GOLT1B: variants seen among roughly 807,000 people sequenced by gnomAD.
GOLT1B encodes the protein golgi transport 1B.
In GOLT1B, 3 loss-of-function variants were observed where a neutral mutation model predicts 15.4. The observed-to-expected ratio is 0.19, with a 90% CI of 0.09 to 0.50. The LOEUF is 0.50. Ranked by LOEUF, GOLT1B falls within the 20% of genes least tolerant of loss-of-function variation. The pLI is 0.97. For missense variants in GOLT1B, 145 were observed against 160.4 expected (o/e 0.90, Z 0.52); for synonymous variants, 65 against 56.2 (o/e 1.16, Z -0.70).
intron 1 of GOLT1B, among the ~76,000 whole-genome samples, chr12:21,503,689 C>T (rs1388365091): frequency 6.6e-6 from 1 of 152,152 alleles, no homozygotes; most frequent in Non-Finnish European, 1.5e-5. Context: ...GAACCAAATG[C>T]ATTTTGGATT....
At chr12:21,509,455 A>G (rs1182235775) in intron 3 of GOLT1B, among the ~76,000 whole-genome samples, 1 of 149,030 alleles carries the variant, frequency 6.7e-6, no homozygotes, top group African/African-American at 2.4e-5. Context: ...AGTAGGGTTG[A>G]GCTTAATTAT....
At chr12:21,507,475 A>G (rs1943687133) in intron 2 of GOLT1B, among the ~76,000 whole-genome samples, 1 of 151,912 alleles carries the variant, frequency 6.6e-6, no homozygotes, top group African/African-American at 2.4e-5. Flanking sequence ...TATGATCCAG[A>G]AATAAATAAT....
chr12:21,502,338 C>T (rs1943638060), intron 1 of GOLT1B, among the ~76,000 whole-genome samples: 1 of 152,230 alleles, frequency 6.6e-6, no homozygotes, highest in Admixed American at 6.5e-5. Context: ...ATGCGCATGA[C>T]ACACTTCGGG....
Position 21,515,685 on chromosome 12 carries a change from G to C in GOLT1B, c.395G>C (p.Gly132Ala), listed in dbSNP as rs1414162656. Residue 132 changes from glycine (G) to alanine (A), a missense_variant, in exon 5 of 5, where the codon GGA (glycine) becomes GCA (alanine). By Grantham distance (60) the Gly-to-Ala change is moderately conservative. Transcript: ENST00000229314. Reference protein sequence around the residue: ...PGIRSFVDKVGESNNMV With the variant: ...PGIRSFVDKVAESNNMV Reference sequence around the variant, plus strand: ...TCCTTACAGTTTGTAGATAAAGTTGGAGAAAGCAACAATATGGTATAACAA... The same window carrying C: ...TCCTTACAGTTTGTAGATAAAGTTGCAGAAAGCAACAATATGGTATAACAA... 7.2e-6 allele frequency: 10 copies of C among 1,383,832 alleles called. No homozygotes were observed. Among genetic ancestry groups the C allele is most frequent in the Non-Finnish European group, 4.1e-6 (4 of 981,488 alleles). The allele number at this position is 1,383,832 out of a possible 1,614,324, so 85.7% of individuals were successfully genotyped here.
chr12:21,508,919 A>AGATACATC, intron 3 of GOLT1B, among the ~76,000 whole-genome samples: 1 of 151,390 alleles, frequency 6.6e-6, no homozygotes, highest in South Asian at 2.1e-4. Context: ...ATAGATAGAT[A>AGATACATC]GATCCAGCAT....
chr12:21,503,259 A>G (rs974162594), intron 1 of GOLT1B, among the ~76,000 whole-genome samples: 5 of 152,230 alleles, frequency 3.3e-5, no homozygotes, highest in African/African-American at 7.2e-5. Flanking sequence ...ATTATGCATA[A>G]TTCTTATAAG....
chr12:21,513,070 CAAAAA>C (rs58392364), intron 4 of GOLT1B, among the ~76,000 whole-genome samples: 176 of 110,380 alleles, frequency 1.6e-3, no homozygotes, highest in Admixed American at 2.9e-3. Flanking sequence ...GACCCTGTCT[CAAAAA>C]AAAAAAAAAA....
intron 2 of GOLT1B, chr12:21,508,108 T>C: frequency 2.4e-6 from 1 of 409,842 alleles, no homozygotes; most frequent in Non-Finnish European, 4.5e-6. Flanking sequence ...AGATGCCCCT[T>C]GGTAACGTCT....
At chr12:21,512,974 G>A (rs1410483871) in intron 4 of GOLT1B, among the ~76,000 whole-genome samples, 1 of 151,732 alleles carries the variant, frequency 6.6e-6, no homozygotes, top group African/African-American at 2.4e-5. Flanking sequence ...ACTGAGGTGA[G>A]AGGATTGGCT....
intron 3 of GOLT1B, among the ~76,000 whole-genome samples, chr12:21,509,272 G>A (rs1428942662): frequency 1.3e-5 from 2 of 151,610 alleles, no homozygotes; most frequent in African/African-American, 2.4e-5. Flanking sequence ...GCTGGCAGGC[G>A]CCTGTAATCC....
chr12:21,506,762 G>A lies in GOLT1B; in HGVS notation c.26-123G>A, dbSNP rs540683042. On this transcript the variant is annotated intron_variant, in intron 1 of 4. Coordinates refer to ENST00000229314, the MANE Select transcript of GOLT1B (RefSeq NM_016072.5). ...ATAAATGTCATTATGAAGTTAACCT[G>A]CAATGTTGGGTACCTGTTTTCTTAT... The A allele has an allele frequency of 6.0e-5, 30 of 499,332 alleles. No homozygotes were observed. The East Asian group carries it at 7.0e-4, about 12-fold the overall frequency. The allele number at this position is 499,332 out of a possible 1,614,324, so 30.9% of individuals were successfully genotyped here. A position where few individuals can be genotyped will look rare whatever the true frequency, so the allele number is the denominator to read the frequency against.
chr12:21,503,602 A>G (rs7969606), intron 1 of GOLT1B, among the ~76,000 whole-genome samples: 144,835 of 152,306 alleles, frequency 0.95, 69,285 homozygotes, highest in East Asian at 1. Context: ...TTGTGAGGGC[A>G]ATGAAATTTT....
At chr12:21,505,127 T>G (rs1943670193) in intron 1 of GOLT1B, among the ~76,000 whole-genome samples, 1 of 152,152 alleles carries the variant, frequency 6.6e-6, no homozygotes, top group East Asian at 1.9e-4. Context: ...CCAGTAGTAT[T>G]GGAAGTATTA....
intron 3 of GOLT1B, among the ~76,000 whole-genome samples, chr12:21,510,114 G>A (rs1269969091): frequency 6.6e-6 from 1 of 152,118 alleles, no homozygotes; most frequent in Non-Finnish European, 1.5e-5. Flanking sequence ...GAAGTCAGGG[G>A]AGCCAGTCAA....
rs188552650 is a variant in GOLT1B, at chr12:21,507,485, T to G, written c.117+509T>G. 3.3e-5 allele frequency among the ~76,000 whole-genome samples: 5 copies of G among 151,114 alleles called. No individual in the cohort carries two copies. The East Asian group carries it at 9.8e-4, about 29-fold the overall frequency. On this transcript the variant is annotated intron_variant, in intron 2 of 4. Transcript: ENST00000229314. Reference sequence around the variant, plus strand: ...GAGGTTATGATCCAGAAATAAATAATAACCCTTCTAAGGTAGTGAAGACAC... The same window carrying G: ...GAGGTTATGATCCAGAAATAAATAAGAACCCTTCTAAGGTAGTGAAGACAC...
intron 1 of GOLT1B, among the ~76,000 whole-genome samples, chr12:21,503,126 C>T (rs1943650203): frequency 6.6e-6 from 1 of 152,140 alleles, no homozygotes; most frequent in South Asian, 2.1e-4. Flanking sequence ...ATTGGCCTGG[C>T]CTGTTCTGAT....
Position 21,516,915 on chromosome 12 carries a change from A to G in GOLT1B, c.*1208A>G, listed in dbSNP as rs1943760093. On this transcript the variant is annotated 3_prime_UTR_variant, in exon 5 of 5. Transcript: ENST00000229314. ...TTCTTAAGAACATGACACTAAAAAAAAAGTGTTTTTTTTCCACCGTTGCTG... is the reference window on the plus strand; with the variant it reads ...TTCTTAAGAACATGACACTAAAAAAGAAGTGTTTTTTTTCCACCGTTGCTG... The G allele has an allele frequency of 6.6e-6, 1 of 152,452 alleles. No individual in the cohort carries two copies. Among genetic ancestry groups the G allele is most frequent in the Admixed American group, 6.6e-5 (1 of 15,266 alleles). 9.4% of individuals were successfully genotyped at this position (152,452 alleles called of 1,614,324 possible). A position where few individuals can be genotyped will look rare whatever the true frequency, so the allele number is the denominator to read the frequency against.
intron 1 of GOLT1B, chr12:21,504,541 G>C (rs1346076029): frequency 2.0e-6 from 1 of 503,350 alleles, no homozygotes; most frequent in Non-Finnish European, 4.0e-6. Flanking sequence ...ACCATTGTCT[G>C]TGGAGTGAGA....
In GOLT1B at chr12:21,516,885, G is replaced by A. The variant is rs4611253; in HGVS notation, c.*1178G>A. 138,763 of 152,414 alleles carry A rather than the reference G, an allele frequency of 0.91. 63,266 individuals are homozygous for A. The highest frequency in any genetic ancestry group is 0.93 in the Non-Finnish European group (62,982 of 67,878). The allele number at this position is 152,414 out of a possible 1,614,324, so 9.4% of individuals were successfully genotyped here. ...GTCATTTCACTGTAATAAACTGACTGTGGTTTCTTAAGAACATGACACTAA... is the reference window on the plus strand; with the variant it reads ...GTCATTTCACTGTAATAAACTGACTATGGTTTCTTAAGAACATGACACTAA... On this transcript the variant is annotated 3_prime_UTR_variant, in exon 5 of 5. Transcript: ENST00000229314.
Sources: allele counts gnomAD v4.1 joint callset (sites outside exome capture counted in the v4.1 genomes callset), GRCh38; gene constraint gnomAD v4.1.1; transcripts MANE v1.5; gene names NCBI Gene and HGNC (gene_info 2026-07-23, HGNC 2026-07-21).